Variants in CPQ observed in about 807,000 individuals in gnomAD.
CPQ encodes the protein Ser-Met dipeptidase.
In CPQ, 37 loss-of-function variants were observed where a neutral mutation model predicts 45.7. The ratio of observed to expected loss-of-function variants is 0.81; its 90% confidence interval spans 0.62 to 1.07. The LOEUF (loss-of-function observed/expected upper bound fraction) is 1.07. CPQ is among the 50% of genes least tolerant of loss of function. CPQ has a pLI of 0.00. For missense variants in CPQ, 537 were observed against 572.9 expected, an observed-to-expected ratio of 0.94 and a Z score of 0.64; for synonymous variants, 186 against 205.8, an observed-to-expected ratio of 0.90 and a Z score of 0.82.
At chr8:96,874,340 A>G (rs1206208083) in intron 3 of CPQ, among the ~76,000 whole-genome samples, 1 of 151,758 alleles carries the variant, frequency 6.6e-6, no homozygotes, top group Non-Finnish European at 1.5e-5. Context: ...ACACAATAAA[A>G]TACACTCCTT....
At chr8:97,106,739 G>C (rs572959351) in intron 7 of CPQ, among the ~76,000 whole-genome samples, 1 of 152,122 alleles carries the variant, frequency 6.6e-6, no homozygotes, top group Non-Finnish European at 1.5e-5. Flanking sequence ...GATCGCAAGT[G>C]AGTGAGCATA....
At chr8:96,896,316 T>C (rs1812442084) in intron 4 of CPQ, among the ~76,000 whole-genome samples, 1 of 152,178 alleles carries the variant, frequency 6.6e-6, no homozygotes, top group Non-Finnish European at 1.5e-5. Flanking sequence ...TCCTGTAAGA[T>C]AATAGCCAGT....
chr8:96,654,650 A>G (rs573311152), intron 1 of CPQ, among the ~76,000 whole-genome samples: 6 of 152,320 alleles, frequency 3.9e-5, no homozygotes, highest in Non-Finnish European at 7.3e-5. Context: ...ATTGTCTAAT[A>G]TGAAAATAAT....
chr8:96,702,855 G>A (rs980002871), intron 1 of CPQ, among the ~76,000 whole-genome samples: 2 of 152,070 alleles, frequency 1.3e-5, no homozygotes, highest in Non-Finnish European at 2.9e-5. Flanking sequence ...TTTTGGGGGG[G>A]TTGTGATTTT....
chr8:96,852,086 T>C (rs1811778405), intron 3 of CPQ, among the ~76,000 whole-genome samples: 1 of 152,230 alleles, frequency 6.6e-6, no homozygotes, highest in East Asian at 1.9e-4. Flanking sequence ...TTTATTTTTT[T>C]GCCCATATTG....
intron 1 of CPQ, among the ~76,000 whole-genome samples, chr8:96,768,327 A>G (rs1028044573): frequency 1.3e-5 from 2 of 149,638 alleles, no homozygotes; most frequent in African/African-American, 5.0e-5. Flanking sequence ...ATGCCTGACC[A>G]TTGGGACAGA....
At chr8:96,713,361 A>G (rs1440961225) in intron 1 of CPQ, among the ~76,000 whole-genome samples, 3 of 152,086 alleles carry the variant, frequency 2.0e-5, no homozygotes, top group African/African-American at 4.8e-5. Flanking sequence ...CATTCCCGTT[A>G]CCAATTTACT....
At chr8:97,050,009 T>TTC (rs1468644841) in intron 6 of CPQ, among the ~76,000 whole-genome samples, 2 of 152,170 alleles carry the variant, frequency 1.3e-5, no homozygotes, top group Non-Finnish European at 2.9e-5. Flanking sequence ...ATTTTAATAT[T>TTC]TCTGTAAGCC....
chr8:96,979,050 T>TAAAA (rs33942399), intron 5 of CPQ, among the ~76,000 whole-genome samples: 1 of 142,042 alleles, frequency 7.0e-6, no homozygotes, highest in Non-Finnish European at 1.5e-5. Flanking sequence ...TAGGAAGTGG[T>TAAAA]AAAAAAAAAA....
At chr8:97,044,948 T>C (rs1216132654) in intron 6 of CPQ, among the ~76,000 whole-genome samples, 1 of 152,208 alleles carries the variant, frequency 6.6e-6, no homozygotes, top group African/African-American at 2.4e-5. Context: ...AGGGACCCAC[T>C]TGAGGAGGCA....
At chr8:97,006,313 G>A (rs534903552) in intron 5 of CPQ, among the ~76,000 whole-genome samples, 12 of 151,996 alleles carry the variant, frequency 7.9e-5, no homozygotes, top group South Asian at 2.1e-4. Context: ...GTCTCTTCCC[G>A]TGTCTATGTC....
At chr8:96,776,657 G>A (rs1810608703) in intron 1 of CPQ, among the ~76,000 whole-genome samples, 1 of 152,090 alleles carries the variant, frequency 6.6e-6, no homozygotes, top group Non-Finnish European at 1.5e-5. Context: ...ATAATTCACA[G>A]TATGAGAAAT....
intron 7 of CPQ, among the ~76,000 whole-genome samples, chr8:97,108,972 C>A (rs1033303411): frequency 2.0e-5 from 3 of 152,206 alleles, no homozygotes; most frequent in Non-Finnish European, 2.9e-5. Context: ...TTCAGCTCAT[C>A]CCTCAGCATA....
At chr8:96,652,685 T>A (rs1815590249) in intron 1 of CPQ, among the ~76,000 whole-genome samples, 1 of 152,172 alleles carries the variant, frequency 6.6e-6, no homozygotes, top group South Asian at 2.1e-4. Flanking sequence ...CAAGCTGGAG[T>A]GCAGTGGCGC....
At chr8:96,735,982 C>T (rs751814003) in intron 1 of CPQ, among the ~76,000 whole-genome samples, 9 of 152,130 alleles carry the variant, frequency 5.9e-5, no homozygotes, top group African/African-American at 1.9e-4. Context: ...TGGGTCACAC[C>T]GAGATACTGA....
intron 1 of CPQ, among the ~76,000 whole-genome samples, chr8:96,651,511 CAT>C (rs1163860514): frequency 6.6e-6 from 1 of 152,146 alleles, no homozygotes; most frequent in Non-Finnish European, 1.5e-5. Context: ...ATCTTTAAAA[CAT>C]GTAAAACTAA....
Position 96,880,073 on chromosome 8 carries a change from T to C in CPQ, c.849+68T>C, listed in dbSNP as rs1264521067. ...TCTAGTTTGAGTTATTAGAGATAGTTTGGGAAAGAGAGAACGTGAAACCAC... is the reference window on the plus strand; with the variant it reads ...TCTAGTTTGAGTTATTAGAGATAGTCTGGGAAAGAGAGAACGTGAAACCAC... On this transcript the variant is annotated intron_variant, in intron 4 of 7. Coordinates refer to ENST00000220763, the MANE Select transcript of CPQ (RefSeq NM_016134.4). 2.1e-6 allele frequency: 3 copies of C among 1,415,582 alleles called. No individual in the cohort carries two copies. The African/African-American group carries it at 4.3e-5, about 20-fold the overall frequency. 87.7% of individuals were successfully genotyped at this position (1,415,582 alleles called of 1,614,324 possible). A position where few individuals can be genotyped will look rare whatever the true frequency, so the allele number is the denominator to read the frequency against.
intron 1 of CPQ, among the ~76,000 whole-genome samples, chr8:96,660,659 G>GTA (rs1433005959): frequency 6.6e-6 from 1 of 151,236 alleles, no homozygotes; most frequent in Non-Finnish European, 1.5e-5. Flanking sequence ...GTGTGTGTGT[G>GTA]TGTGTTTATA....
At chr8:96,763,346 C>T (rs1379193951) in intron 1 of CPQ, among the ~76,000 whole-genome samples, 1 of 152,056 alleles carries the variant, frequency 6.6e-6, no homozygotes, top group Admixed American at 6.6e-5. Flanking sequence ...TGCAAAGAAC[C>T]TCCTTTTTCA....
Sources: gnomAD v4.1 joint callset for allele counts (sites outside exome capture counted in the v4.1 genomes callset) on GRCh38, gnomAD v4.1.1 for gene constraint, MANE v1.5 for transcripts, NCBI Gene and HGNC (gene_info 2026-07-23, HGNC 2026-07-21) for gene names.